The following CIMIP7 variants were observed in gnomAD, a reference collection of about 807,000 sequenced individuals.
CIMIP7 encodes uncharacterized protein C3orf84.
At chr3:49,186,243 C>A in the CIMIP7 span, among the ~76,000 whole-genome samples, 1 of 151,978 alleles carries the variant, frequency 6.6e-6, no homozygotes, top group African/African-American at 2.4e-5. Flanking sequence ...AGGTGATACA[C>A]CCGCCTTGGC....
the CIMIP7 span, chr3:49,190,121 A>T: frequency 1.2e-6 from 2 of 1,604,794 alleles, no homozygotes; most frequent in Non-Finnish European, 8.5e-7. Flanking sequence ...TGTAGTGCCC[A>T]TAGAAGCCAT....
the CIMIP7 span, among the ~76,000 whole-genome samples, chr3:49,189,586 C>T: frequency 6.6e-6 from 1 of 152,336 alleles, no homozygotes; most frequent in African/African-American, 2.4e-5. Flanking sequence ...AGGCCAGTAA[C>T]CAGCTGCCTC....
the CIMIP7 span, among the ~76,000 whole-genome samples, chr3:49,180,854 C>T: frequency 6.8e-6 from 1 of 146,442 alleles, no homozygotes; most frequent in Middle Eastern, 3.7e-3. Flanking sequence ...GGCGTGAACC[C>T]GGGAGGTGGA....
the CIMIP7 span, among the ~76,000 whole-genome samples, chr3:49,188,494 G>C: frequency 2.0e-5 from 3 of 152,144 alleles, no homozygotes; most frequent in African/African-American, 4.8e-5. Context: ...AGAGAGAGGA[G>C]GTGTTTCTTC....
chr3:49,190,222 A>C, the CIMIP7 span: 29 of 913,214 alleles, frequency 3.2e-5, no homozygotes, highest in Non-Finnish European at 4.7e-5. Flanking sequence ...TGAGGGTTCC[A>C]GGAAAGCCAG....
chr3:49,180,439 C>G, the CIMIP7 span, among the ~76,000 whole-genome samples: 822 of 152,272 alleles, frequency 5.4e-3, 10 homozygotes, highest in African/African-American at 0.019. Flanking sequence ...TTGGCTTCTG[C>G]CTGCAGAGCC....
At chr3:49,188,637 C>A in the CIMIP7 span, among the ~76,000 whole-genome samples, 3 of 152,162 alleles carry the variant, frequency 2.0e-5, no homozygotes, top group African/African-American at 7.2e-5. Flanking sequence ...CCCTTGTCCC[C>A]CTTTGGGCTC....
chr3:49,188,735 C>T, the CIMIP7 span, among the ~76,000 whole-genome samples: 1 of 152,146 alleles, frequency 6.6e-6, no homozygotes, highest in African/African-American at 2.4e-5. Flanking sequence ...ACATACCCTT[C>T]CGAGTTCTGC....
At chr3:49,190,060 G>A in the CIMIP7 span, 1 of 1,613,560 alleles carries the variant, frequency 6.2e-7, no homozygotes, top group Admixed American at 1.7e-5. Flanking sequence ...GGAGGCTGGG[G>A]CTTGGCTGCA....
the CIMIP7 span, among the ~76,000 whole-genome samples, chr3:49,184,579 C>T: frequency 6.6e-6 from 1 of 151,976 alleles, no homozygotes; most frequent in Middle Eastern, 3.2e-3. Context: ...CTTGGCTTCC[C>T]AAAGTGTTGG....
the CIMIP7 span, chr3:49,177,797 C>G: frequency 8.1e-6 from 13 of 1,611,928 alleles, no homozygotes; most frequent in Middle Eastern, 1.6e-4. Flanking sequence ...TAGTGGCCAC[C>G]CTGGGATGGG....
At chr3:49,177,960 C>G in the CIMIP7 span, 3 of 1,613,556 alleles carry the variant, frequency 1.9e-6, no homozygotes, top group Admixed American at 3.3e-5. Flanking sequence ...GCAACTCTAT[C>G]TCACAGGGTG....
chr3:49,184,349 G>T, the CIMIP7 span, among the ~76,000 whole-genome samples: 1 of 152,198 alleles, frequency 6.6e-6, no homozygotes, highest in Admixed American at 6.5e-5. Context: ...TTGAGACAGA[G>T]TCTCACGTGT....
chr3:49,191,070 CTG>C, the CIMIP7 span, among the ~76,000 whole-genome samples: 4 of 152,190 alleles, frequency 2.6e-5, no homozygotes, highest in Non-Finnish European at 5.9e-5. Context: ...CGTGTACACT[CTG>C]TGGATGATCA....
the CIMIP7 span, among the ~76,000 whole-genome samples, chr3:49,191,324 G>C: frequency 6.6e-6 from 1 of 152,168 alleles, no homozygotes; most frequent in African/African-American, 2.4e-5. Flanking sequence ...CTCTATTCAG[G>C]TTAGCTCAAC....
At chr3:49,177,890 T>C in the CIMIP7 span, 2 of 1,613,780 alleles carry the variant, frequency 1.2e-6, no homozygotes, top group Non-Finnish European at 1.7e-6. Flanking sequence ...GGGAGGCCAC[T>C]GAGTCCTGGG....
chr3:49,183,794 A>G, the CIMIP7 span, among the ~76,000 whole-genome samples: 1 of 152,262 alleles, frequency 6.6e-6, no homozygotes, highest in African/African-American at 2.4e-5. Flanking sequence ...TAACAGCTTT[A>G]TTTGTATGAG....
At chr3:49,190,732 G>A in the CIMIP7 span, among the ~76,000 whole-genome samples, 3 of 145,460 alleles carry the variant, frequency 2.1e-5, no homozygotes, top group Non-Finnish European at 4.5e-5. Flanking sequence ...GCAGTGGTGC[G>A]ATCTTGGTTC....
At chr3:49,184,401 A>C in the CIMIP7 span, among the ~76,000 whole-genome samples, 1 of 152,292 alleles carries the variant, frequency 6.6e-6, no homozygotes, top group Non-Finnish European at 1.5e-5. Flanking sequence ...GGCTTGCTGC[A>C]ACCTCCACCT....
Sources: allele counts gnomAD v4.1 joint callset (sites outside exome capture counted in the v4.1 genomes callset), GRCh38; gene constraint gnomAD v4.1.1; transcripts MANE v1.5; gene names NCBI Gene and HGNC (gene_info 2026-07-23, HGNC 2026-07-21).